Variants in C5 observed in about 807,000 individuals in gnomAD.
The protein encoded by C5 is complement C5, also known as C3 and PZP-like alpha-2-macroglobulin domain-containing protein 4.
In C5, 140 loss-of-function variants were observed where a neutral mutation model predicts 218.8. The ratio of observed to expected loss-of-function variants is 0.64; its 90% confidence interval spans 0.56 to 0.74. C5 has a LOEUF of 0.74. Among genes scored for constraint, C5 ranks in the 30% least tolerant of loss-of-function variants. The pLI, the probability that C5 is intolerant of heterozygous loss-of-function variation, is 0.00. For missense variants in C5, 1,700 were observed against 1,969.6 expected, an observed-to-expected ratio of 0.86 and a Z score of 2.59; for synonymous variants, 614 against 682.3, an observed-to-expected ratio of 0.90 and a Z score of 1.56.
intron 40 of C5, 45 bp downstream of exon 40, chr9:120,953,685 A>T (rs1205848306): frequency 1.3e-6 from 2 of 1,595,542 alleles, no homozygotes; most frequent in East Asian, 2.2e-5. Flanking sequence ...AATTATACTC[A>T]GTTTTGGAGG....
chr9:120,969,031 C>CT, intron 33 of C5, 30 bp downstream of exon 33: 1 of 1,588,958 alleles, frequency 6.3e-7, no homozygotes, highest in Non-Finnish European at 8.6e-7. Context: ...AACTTGGAGT[C>CT]TATGCTCCCC....
At chr9:120,988,310 C>T (rs1456250346) in intron 25 of C5, among the ~76,000 whole-genome samples, 4 of 152,040 alleles carry the variant, frequency 2.6e-5, no homozygotes, top group Admixed American at 6.5e-5. Context: ...TAAGCAAGAA[C>T]GTTAGTAATC....
the C5 span, among the ~76,000 whole-genome samples, chr9:121,065,206 T>G: frequency 6.6e-6 from 1 of 152,130 alleles, no homozygotes; most frequent in Admixed American, 6.6e-5. Context: ...CACAGGAACA[T>G]TCCATCAAAG....
intron 3 of C5, among the ~76,000 whole-genome samples, chr9:121,041,344 G>T (rs1277472789): frequency 9.2e-6 from 1 of 108,950 alleles, no homozygotes; most frequent in Non-Finnish European, 1.7e-5. Flanking sequence ...TCACTCTTTC[G>T]CCCAGGCTGG....
chr9:121,010,349 T>C (rs1165113957), intron 17 of C5, among the ~76,000 whole-genome samples: 1 of 151,988 alleles, frequency 6.6e-6, no homozygotes, highest in Non-Finnish European at 1.5e-5. Flanking sequence ...TAATGAACAA[T>C]GTGAAAAAGA....
intron 20 of C5, among the ~76,000 whole-genome samples, chr9:121,004,973 G>T (rs2047204609): frequency 2.4e-5 from 2 of 81,952 alleles, no homozygotes; most frequent in Non-Finnish European, 5.0e-5. Flanking sequence ...GGCAGAGCGA[G>T]ACTCCGTCTT....
chr9:121,023,427 G>T lies in C5; in HGVS notation c.1093C>A (p.Pro365Thr). The T allele has an allele frequency of 6.2e-7, 1 of 1,610,468 alleles. No individual in the cohort carries two copies. The highest frequency in any genetic ancestry group is 2.2e-5 in the East Asian group (1 of 44,858). Residue 365 changes from proline (P) to threonine (T), a missense_variant, in exon 10 of 41, where the codon CCT (proline) becomes ACT (threonine). Transcript: ENST00000223642. Reference sequence around the variant, plus strand: ...ACCTTGATGGGATATGGAATCCCAGGCTTCAGGAAAAGAGGAGTAGCAACC... The same window carrying T: ...ACCTTGATGGGATATGGAATCCCAGTCTTCAGGAAAAGAGGAGTAGCAACC... The part of the protein sequence containing the change: ...NLVATPLFLK[P>T]GIPYPIKVQV...
chr9:121,004,778 A>T (rs1440647370), intron 20 of C5, among the ~76,000 whole-genome samples: 2 of 152,202 alleles, frequency 1.3e-5, no homozygotes, highest in Non-Finnish European at 2.9e-5. Context: ...ATCTTGAAAA[A>T]AAAAGGCTTA....
In C5 at chr9:120,989,728, A is replaced by G. The variant is rs1422851770; in HGVS notation, c.2994T>C (p.Asn998=). ...LSAVLSQEGI[N]ILTHLPKGSA... ...TCCCTTTGGGGAGGTGGGTTAGGAT[A>G]TTGATGCCTTCCTGACTTAGAACTG... The change falls in exon 24 of 41, where the codon AAT becomes AAC. Residue 998 remains asparagine (N), a synonymous_variant. Coordinates refer to ENST00000223642, the MANE Select transcript of C5 (RefSeq NM_001735.3). The G allele has an allele frequency of 6.2e-7, 1 of 1,614,050 alleles. No individual in the cohort carries two copies. Among genetic ancestry groups the G allele is most frequent in the Non-Finnish European group, 8.5e-7 (1 of 1,180,032 alleles).
chr9:121,047,230 G>T (rs2047635148), intron 1 of C5, among the ~76,000 whole-genome samples: 1 of 152,162 alleles, frequency 6.6e-6, no homozygotes, highest in Admixed American at 6.5e-5. Context: ...AGGTTATACG[G>T]TTTGTAAGTA....
chr9:121,050,179 T>TA lies in C5; in HGVS notation c.65+2dup, dbSNP rs1564167819. ...AAAAATGAAGATAGCTTGTTTTACT[T>TA]ACGTTTGCTCCTGTCCCCAGGTTTT... is the stretch of plus-strand genomic sequence containing the variant. On this transcript the variant is annotated splice_region_variant and intron_variant, in intron 1 of 40. Transcript: ENST00000223642. 2 of 1,608,730 alleles carry TA rather than the reference T, an allele frequency of 1.2e-6. No individual in the cohort carries two copies. The highest frequency in any genetic ancestry group is 2.2e-5 in the East Asian group (1 of 44,838).
chr9:121,027,137 G>A (rs2047430792), intron 8 of C5, 23 bp downstream of exon 8: 1 of 1,270,588 alleles, frequency 7.9e-7, no homozygotes, highest in Non-Finnish European at 1.1e-6. Context: ...GTAGGTGTGA[G>A]TGACTGTGTC....
At chr9:121,066,574 G>A in the C5 span, among the ~76,000 whole-genome samples, 1 of 151,958 alleles carries the variant, frequency 6.6e-6, no homozygotes, top group Admixed American at 6.6e-5. Flanking sequence ...GCCAGTTGTG[G>A]TGGGTCATGC....
At chr9:120,998,988 C>T (rs1021569024) in intron 20 of C5, among the ~76,000 whole-genome samples, 10 of 152,116 alleles carry the variant, frequency 6.6e-5, no homozygotes, top group African/African-American at 1.9e-4. Flanking sequence ...GTGGGAGAAG[C>T]CAGAGCAAAA....
At chr9:121,001,166 G>T (rs1296946220) in intron 20 of C5, among the ~76,000 whole-genome samples, 5 of 152,190 alleles carry the variant, frequency 3.3e-5, no homozygotes, top group African/African-American at 1.2e-4. Context: ...CATTTGTTGA[G>T]TACTCACTAT....
At chr9:120,995,395 A>C (rs1262477558) in intron 22 of C5, among the ~76,000 whole-genome samples, 1 of 152,168 alleles carries the variant, frequency 6.6e-6, no homozygotes, top group East Asian at 1.9e-4. Flanking sequence ...GCCACATCCT[A>C]AATTTCATAA....
the C5 span, among the ~76,000 whole-genome samples, chr9:121,066,250 T>G: frequency 1.4e-5 from 2 of 146,474 alleles, no homozygotes; most frequent in Admixed American, 1.4e-4. Context: ...AGGCAGAGGT[T>G]GCAGTGAGCC....
At position 120,989,636 on chromosome 9, in the gene C5, T is replaced by C. The variant is rs201144249; in HGVS notation, c.3086A>G (p.Asn1029Ser). The change falls in exon 24 of 41, where the codon AAT becomes AGT. Residue 1029 changes from asparagine to serine, a missense_variant. By Grantham distance (46) the Asn-to-Ser change is conservative. Coordinates refer to ENST00000223642, the MANE Select transcript of C5 (RefSeq NM_001735.3). ...GTCAGAATGAAAAATGTTCCAATGA[T>C]TTCCTGTTTCCAGGTAGTGAAAAAC... ...FYVFHYLETG[N>S]HWNIFHSDPL... The C allele has an allele frequency of 9.3e-6, 15 of 1,613,914 alleles. No individual in the cohort carries two copies. Among genetic ancestry groups the C allele is most frequent in the Non-Finnish European group, 1.1e-5 (13 of 1,179,826 alleles).
intron 36 of C5, 130 bp from the exon 37 acceptor site, chr9:120,961,695 C>T (rs2046828880): frequency 4.2e-6 from 3 of 706,402 alleles, no homozygotes; most frequent in Admixed American, 2.0e-5. Flanking sequence ...AGCTAAGGCC[C>T]AGGGAGGTAA....
Sources: allele counts gnomAD v4.1 joint callset (sites outside exome capture counted in the v4.1 genomes callset), GRCh38; gene constraint gnomAD v4.1.1; transcripts MANE v1.5; gene names NCBI Gene and HGNC (gene_info 2026-07-23, HGNC 2026-07-21).